The following NEBL variants were observed in gnomAD, a reference collection of about 807,000 sequenced individuals.
The protein encoded by NEBL is nebulette.
NEBL carries 122 observed loss-of-function variants against 140.2 expected under a neutral mutation model. That is an observed-to-expected ratio of 0.87 (90% CI 0.75 to 1.01). The LOEUF (loss-of-function observed/expected upper bound fraction) is 1.01, where lower values mean the gene tolerates loss of function less well. Ranked by LOEUF, NEBL falls within the 50% of genes least tolerant of loss-of-function variation. The pLI, the probability that NEBL is intolerant of heterozygous loss-of-function variation, is 0.00. For missense variants in NEBL, 1,365 were observed against 1,231.3 expected (o/e 1.11, Z -1.62); for synonymous variants, 436 against 398.9 (o/e 1.09, Z -1.11).
intron 2 of NEBL, chr10:21,030,783 A>G: frequency 2.6e-6 from 1 of 390,276 alleles, no homozygotes; most frequent in South Asian, 2.2e-5. Context: ...CCAGATCTGC[A>G]CCTGAGCCAA....
intron 1 of NEBL, among the ~76,000 whole-genome samples, chr10:21,258,333 C>T (rs1479099544): frequency 6.6e-6 from 1 of 152,182 alleles, no homozygotes; most frequent in African/African-American, 2.4e-5. Context: ...CTTGGAGAGG[C>T]CAAGGCAGGT....
chr10:20,848,508 C>G (rs1164436442), intron 11 of NEBL, among the ~76,000 whole-genome samples: 1 of 152,168 alleles, frequency 6.6e-6, no homozygotes, highest in Middle Eastern at 3.2e-3. Flanking sequence ...CAGTTAGCAA[C>G]CCGGTAACAA....
intron 2 of NEBL, among the ~76,000 whole-genome samples, chr10:20,892,378 G>T (rs1165459809): frequency 6.6e-6 from 1 of 152,160 alleles, no homozygotes; most frequent in African/African-American, 2.4e-5. Flanking sequence ...TCATTACCAA[G>T]GAATAAGCCA....
chr10:20,823,298 C>T lies in NEBL; in HGVS notation c.1872G>A (p.Val624=), dbSNP rs755252752. Residue 624 remains valine (V), a splice_region_variant and synonymous_variant, in exon 19 of 28, where the codon GTG becomes GTA. Coordinates refer to ENST00000377122, the MANE Select transcript of NEBL (RefSeq NM_006393.3). ...CATGTTTAATCTCTTCTTTGTATTT[C>T]ACCTGCATAATTTATAAGAATATAA... ...VKKNQQNISS[V]KYKEEIKHAT... 4 of 1,596,588 alleles carry T rather than the reference C, an allele frequency of 2.5e-6. No individual in the cohort carries two copies. Among genetic ancestry groups the T allele is most frequent in the Admixed American group, 1.7e-5 (1 of 59,856 alleles).
chr10:20,828,272 G>C (rs572336700), intron 17 of NEBL, among the ~76,000 whole-genome samples: 1 of 152,074 alleles, frequency 6.6e-6, no homozygotes, highest in South Asian at 2.1e-4. Context: ...TCTTTCCTGA[G>C]TTAAATTTTA....
At chr10:20,872,669 A>G (rs1049136776) in intron 5 of NEBL, among the ~76,000 whole-genome samples, 1 of 152,182 alleles carries the variant, frequency 6.6e-6, no homozygotes, top group Non-Finnish European at 1.5e-5. Flanking sequence ...CAAAAGATAC[A>G]TGTCATAAAG....
intron 2 of NEBL, among the ~76,000 whole-genome samples, chr10:21,154,938 C>T (rs1406045013): frequency 6.6e-6 from 1 of 152,180 alleles, no homozygotes; most frequent in Non-Finnish European, 1.5e-5. Flanking sequence ...TAGTGGCTCA[C>T]GCCTGTAATC....
intron 2 of NEBL, among the ~76,000 whole-genome samples, chr10:21,085,962 T>G (rs545867929): frequency 4.6e-5 from 7 of 152,252 alleles, no homozygotes; most frequent in African/African-American, 1.7e-4. Context: ...TCATTTGGGA[T>G]TTTCTTAAAA....
intron 3 of NEBL, among the ~76,000 whole-genome samples, chr10:20,974,521 C>G (rs895136099): frequency 3.9e-5 from 6 of 152,042 alleles, no homozygotes; most frequent in African/African-American, 1.2e-4. Flanking sequence ...AGTGCCGGAA[C>G]TATAAGCATG....
chr10:21,124,931 G>A (rs948210667), intron 2 of NEBL, among the ~76,000 whole-genome samples: 2 of 152,196 alleles, frequency 1.3e-5, no homozygotes, highest in African/African-American at 4.8e-5. Flanking sequence ...CTGTACTCCA[G>A]ACTGTGAAGC....
intron 2 of NEBL, among the ~76,000 whole-genome samples, chr10:21,159,298 G>A (rs890890530): frequency 3.3e-5 from 5 of 151,980 alleles, no homozygotes; most frequent in African/African-American, 1.2e-4. Flanking sequence ...CCAGTCACAG[G>A]GGTATGGCAC....
chr10:20,944,833 A>T (rs1162086926), intron 4 of NEBL, among the ~76,000 whole-genome samples: 2 of 152,146 alleles, frequency 1.3e-5, no homozygotes, highest in East Asian at 1.9e-4. Flanking sequence ...TTTCCCTTTT[A>T]TTCTCCAAAA....
At chr10:21,148,099 G>T (rs1839978895) in intron 2 of NEBL, among the ~76,000 whole-genome samples, 1 of 152,214 alleles carries the variant, frequency 6.6e-6, no homozygotes, top group African/African-American at 2.4e-5. Flanking sequence ...GCACTAGCCA[G>T]ACCATCCCTG....
At position 21,136,863 on chromosome 10, in the gene NEBL, G is replaced by A. The variant is rs116981297; in HGVS notation, c.164+35520C>T. On this transcript the variant is annotated intron_variant, in intron 2 of 6. Transcript: ENST00000417816. Reference sequence around the variant, plus strand: ...AAATGACTGACATAACTTCTTACTCGTCTCTGGATGGAGGAGTTGCTTATT... The same window carrying A: ...AAATGACTGACATAACTTCTTACTCATCTCTGGATGGAGGAGTTGCTTATT... 5.5e-3 allele frequency among the ~76,000 whole-genome samples: 835 copies of A among 152,246 alleles called. 6 individuals carry two copies. The highest frequency in any genetic ancestry group is 0.031 in the South Asian group (148 of 4,830).
At chr10:20,981,377 G>A (rs1837032513) in intron 3 of NEBL, among the ~76,000 whole-genome samples, 2 of 150,280 alleles carry the variant, frequency 1.3e-5, no homozygotes, top group African/African-American at 4.9e-5. Context: ...CCCCTTCCTA[G>A]TATTATGAAG....
chr10:20,809,070 T>G (rs1480716316), intron 25 of NEBL, among the ~76,000 whole-genome samples: 2 of 152,184 alleles, frequency 1.3e-5, no homozygotes, highest in African/African-American at 4.8e-5. Context: ...TGAATGAAAG[T>G]GACTATAAAA....
chr10:21,242,645 G>C (rs546090256), intron 3 of NEBL, among the ~76,000 whole-genome samples: 147 of 152,224 alleles, frequency 9.7e-4, no homozygotes, highest in African/African-American at 3.4e-3. Context: ...CTGCTGTACT[G>C]GCCGAGAGGT....
At chr10:20,792,123 G>GAAAA (rs11286684) in intron 26 of NEBL, among the ~76,000 whole-genome samples, 13 of 106,722 alleles carry the variant, frequency 1.2e-4, no homozygotes, top group Non-Finnish European at 1.7e-4. Context: ...ATTCCAAATA[G>GAAAA]AAAAAAAAAA....
chr10:21,212,719 G>A (rs187729463), intron 3 of NEBL, among the ~76,000 whole-genome samples: 15 of 152,244 alleles, frequency 9.9e-5, no homozygotes, highest in African/African-American at 3.6e-4. Context: ...GGCCACTTGC[G>A]ACTTCCACTG....
Sources: allele counts gnomAD v4.1 joint callset (sites outside exome capture counted in the v4.1 genomes callset), GRCh38; gene constraint gnomAD v4.1.1; transcripts MANE v1.5; gene names NCBI Gene and HGNC (gene_info 2026-07-23, HGNC 2026-07-21).